H1-3: variants seen among roughly 807,000 people sequenced by gnomAD.
The protein encoded by H1-3 is histone H1.3.
H1-3 carries 4 observed loss-of-function variants against 3.6 expected under a neutral mutation model. The observed-to-expected ratio is 1.12, with a 90% CI of 0.55 to 2.57. The LOEUF (loss-of-function observed/expected upper bound fraction) is 2.57. Ranked by LOEUF, H1-3 falls within the 30% of genes most tolerant of loss-of-function variation. The probability of loss-of-function intolerance (pLI) is 0.02; values close to 1 mark genes in which losing one functional copy is unlikely to be tolerated. For missense variants in H1-3, 670 were observed against 274.3 expected (o/e 2.44, Z -10.19); for synonymous variants, 266 against 110.0 (o/e 2.42, Z -8.87).
rs548822473 is a variant in H1-3 at position 26,234,805 on chromosome 6, C to T, written c.129G>A (p.Glu43=). The T allele has an allele frequency of 3.7e-6, 6 of 1,614,242 alleles. No individual in the cohort carries two copies. Among genetic ancestry groups the T allele is most frequent in the Non-Finnish European group, 5.1e-6 (6 of 1,180,044 alleles). Residue 43 remains glutamate, a synonymous_variant, in exon 1 of 1, where the codon GAG becomes GAA. Transcript: ENST00000244534. ...KRKASGPPVS[E]LITKAVAASK... ...AAGCTGCCACTGCCTTGGTGATAAGCTCAGATACTGGGGGTCCGGATGCTT... is the reference window on the plus strand; with the variant it reads ...AAGCTGCCACTGCCTTGGTGATAAGTTCAGATACTGGGGGTCCGGATGCTT...
At position 26,234,686 on chromosome 6, in the gene H1-3, A is replaced by C; in HGVS notation, c.248T>G (p.Leu83Arg). 1 of 1,614,118 alleles carries C rather than the reference A, an allele frequency of 6.2e-7. No individual in the cohort carries two copies. The highest frequency in any genetic ancestry group is 8.5e-7 in the Non-Finnish European group (1 of 1,180,014). The change falls in exon 1 of 1, where the codon CTT (leucine) becomes CGT (arginine). Residue 83 changes from leucine (L) to arginine (R), a missense_variant. Coordinates refer to ENST00000244534, the MANE Select transcript of H1-3 (RefSeq NM_005320.3). ...TTTGCTCACCAAGCTCTTGAGGCCA[A>C]GCTTGATACGGCTGTTGTTTTTTTC... ...DVEKNNSRIK[L>R]GLKSLVSKGT...
Position 26,234,606 on chromosome 6 carries a change from T to G in H1-3, c.328A>C (p.Lys110Gln), listed in dbSNP as rs1759742025. The G allele has an allele frequency of 6.2e-7, 1 of 1,614,002 alleles. No homozygotes were observed. Among genetic ancestry groups the G allele is most frequent in the African/African-American group, 1.3e-5 (1 of 75,034 alleles). Residue 110 changes from lysine to glutamine, a missense_variant, in exon 1 of 1, where the codon AAG becomes CAG. By Grantham distance (53) the Lys-to-Gln change is moderately conservative. Transcript: ENST00000244534. Reference sequence around the variant, plus strand: ...TTGCCTTCCCCGGAAGCCGCTTTCTTGTTGAGTTTGAAGGAGCCAGAAGCA... The same window carrying G: ...TTGCCTTCCCCGGAAGCCGCTTTCTGGTTGAGTTTGAAGGAGCCAGAAGCA... Reference protein sequence around the residue: ...TGASGSFKLNKKAASGEGKPK... With the variant: ...TGASGSFKLNQKAASGEGKPK...
In H1-3 at chr6:26,234,526, G is replaced by T; in HGVS notation, c.408C>A (p.Ala136=). 1 of 1,613,638 alleles carries T rather than the reference G, an allele frequency of 6.2e-7. No individual in the cohort carries two copies. Among genetic ancestry groups the T allele is most frequent in the Non-Finnish European group, 8.5e-7 (1 of 1,179,954 alleles). ...AAKPRKPAGA[A]KKPKKVAGAA... is the part of the protein sequence containing the mutation. ...CGCCAGCCACCTTCTTGGGCTTCTT[G>T]GCTGCCCCAGCAGGCTTCCTAGGCT... The change falls in exon 1 of 1, where the codon GCC becomes GCA. Residue 136 remains alanine, a synonymous_variant. Coordinates refer to ENST00000244534, the MANE Select transcript of H1-3 (RefSeq NM_005320.3).
rs549784052 is a variant in H1-3, at chr6:26,234,395, G to A, written c.539C>T (p.Thr180Ile). The A allele has an allele frequency of 6.2e-7, 1 of 1,614,196 alleles. No individual in the cohort carries two copies. Among genetic ancestry groups the A allele is most frequent in the African/African-American group, 1.3e-5 (1 of 75,046 alleles). ...KVAKSAKKVK[T>I]PQPKKAAKSP... ...CTTGGCAGCTTTTTTTGGCTGAGGT[G>A]TTTTCACCTTTTTCGCACTCTTGGC... is the stretch of plus-strand genomic sequence containing the variant. The change falls in exon 1 of 1, where the codon ACA becomes ATA. Residue 180 changes from threonine (T) to isoleucine (I), a missense_variant. Thr to Ile is a moderately conservative substitution (Grantham distance 89). Transcript: ENST00000244534.
Position 26,234,237 on chromosome 6 carries a change from A to T in H1-3, c.*31T>A, listed in dbSNP as rs752530572. ...TGGGTGGCTCTGAAAAGAGCCGTTT[A>T]AAATTTTCAAAGGGGAACGTCCCGC... is the stretch of plus-strand genomic sequence containing the variant. On this transcript the variant is annotated 3_prime_UTR_variant, in exon 1 of 1. Transcript: ENST00000244534. 1.3e-6 allele frequency: 2 copies of T among 1,566,116 alleles called. No homozygotes were observed. The highest frequency in any genetic ancestry group is 1.2e-5 in the South Asian group (1 of 83,544).
rs780725404 is a variant in H1-3 at position 26,234,667 on chromosome 6, C to G, written c.267G>C (p.Val89=). ...SRIKLGLKSL[V]SKGTLVQTKG... ...TGGTCTGCACCAGAGTACCTTTGCT[C>G]ACCAAGCTCTTGAGGCCAAGCTTGA... The change falls in exon 1 of 1, where the codon GTG becomes GTC. Residue 89 remains valine (V), a synonymous_variant. Coordinates refer to ENST00000244534, the MANE Select transcript of H1-3 (RefSeq NM_005320.3). The G allele has an allele frequency of 1.2e-6, 2 of 1,614,190 alleles. No individual in the cohort carries two copies. The highest frequency in any genetic ancestry group is 1.1e-5 in the South Asian group (1 of 91,078).
chr6:26,234,458 A>T lies in H1-3; in HGVS notation c.476T>A (p.Val159Glu), dbSNP rs777269032. The change falls in exon 1 of 1, where the codon GTA becomes GAA. Residue 159 changes from valine to glutamate, a missense_variant. Coordinates refer to ENST00000244534, the MANE Select transcript of H1-3 (RefSeq NM_005320.3). ...CCCAGCAGCGGTTGCTGGCTTCTTT[A>T]CCTTCTTAGGAGTCTTTTTGATGCT... is the stretch of plus-strand genomic sequence containing the variant. ...KKSIKKTPKKVKKPATAAGTK... is the reference protein window; with the variant it reads ...KKSIKKTPKKEKKPATAAGTK... The T allele has an allele frequency of 1.2e-6, 2 of 1,613,826 alleles. No homozygotes were observed. The highest frequency in any genetic ancestry group is 1.3e-5 in the African/African-American group (1 of 74,894).
At position 26,234,804 on chromosome 6, in the gene H1-3, G is replaced by C. The variant is rs745686818; in HGVS notation, c.130C>G (p.Leu44Val). ...RKASGPPVSE[L>V]ITKAVAASKE... ...GAAGCTGCCACTGCCTTGGTGATAA[G>C]CTCAGATACTGGGGGTCCGGATGCT... Residue 44 changes from leucine (L) to valine (V), a missense_variant, in exon 1 of 1, where the codon CTT becomes GTT. Transcript: ENST00000244534. 5.6e-6 allele frequency: 9 copies of C among 1,614,236 alleles called. No individual in the cohort carries two copies. The highest frequency in any genetic ancestry group is 7.6e-6 in the Non-Finnish European group (9 of 1,180,038).
Position 26,234,296 on chromosome 6 carries a change from G to C in H1-3, c.638C>G (p.Ala213Gly), listed in dbSNP as rs748557698. 1 of 1,603,342 alleles carries C rather than the reference G, an allele frequency of 6.2e-7. No homozygotes were observed. Among genetic ancestry groups the C allele is most frequent in the Non-Finnish European group, 8.5e-7 (1 of 1,176,962 alleles). Reference protein sequence around the residue: ...PKSGKPKVTKAKKAAPKKK With the variant: ...PKSGKPKVTKGKKAAPKKK ...CTTTTTCTTCGGAGCTGCCTTCTTT[G>C]CCTTTGTAACCTTCGGCTTCCCCGA... Residue 213 changes from alanine (A) to glycine (G), a missense_variant, in exon 1 of 1, where the codon GCA becomes GGA. Ala to Gly is a moderately conservative substitution (Grantham distance 60). Coordinates refer to ENST00000244534, the MANE Select transcript of H1-3 (RefSeq NM_005320.3).
In H1-3 at chr6:26,234,637, A is replaced by C; in HGVS notation, c.297T>G (p.Gly99=). 6.2e-7 allele frequency: 1 copy of C among 1,614,128 alleles called. No individual in the cohort carries two copies. Among genetic ancestry groups the C allele is most frequent in the South Asian group, 1.1e-5 (1 of 91,078 alleles). The change falls in exon 1 of 1, where the codon GGT becomes GGG. Residue 99 remains glycine (G), a synonymous_variant. Coordinates refer to ENST00000244534, the MANE Select transcript of H1-3 (RefSeq NM_005320.3). ...VSKGTLVQTK[G]TGASGSFKLN... ...GTTTGAAGGAGCCAGAAGCACCGGT[A>C]CCTTTGGTCTGCACCAGAGTACCTT...
At position 26,234,929 on chromosome 6, in the gene H1-3, G is replaced by A. The variant is rs767698067; in HGVS notation, c.5C>T (p.Ser2Leu). 9.4e-6 allele frequency: 15 copies of A among 1,598,142 alleles called. No homozygotes were observed. In the South Asian group the frequency reaches 1.0e-4, roughly 11 times the overall value. M[S>L]ETAPLAPTIP... ...GGTAGGAGCAAGTGGAGCAGTCTCC[G>A]ACATGTTTTTGTCTTCCCAGAAAAG... Residue 2 changes from serine (S) to leucine (L), a missense_variant, in exon 1 of 1, where the codon TCG (serine) becomes TTG (leucine). Physicochemically the swap from Ser to Leu is moderately radical, Grantham distance 145. Transcript: ENST00000244534.
rs199702760 is a variant in H1-3 at position 26,234,326 on chromosome 6, G to A, written c.608C>T (p.Pro203Leu). The A allele has an allele frequency of 3.2e-5, 52 of 1,613,656 alleles. No homozygotes were observed. The East Asian group carries it at 1.0e-3, about 31-fold the overall frequency. Residue 203 changes from proline to leucine, a missense_variant, in exon 1 of 1, where the codon CCT (proline) becomes CTT (leucine). Physicochemically the swap from Pro to Leu is moderately conservative, Grantham distance 98. Coordinates refer to ENST00000244534, the MANE Select transcript of H1-3 (RefSeq NM_005320.3). ...TGTAACCTTCGGCTTCCCCGACTTAGGCTTGGCCGCCTTGGGCTTAGGGGC... is the reference window on the plus strand; with the variant it reads ...TGTAACCTTCGGCTTCCCCGACTTAAGCTTGGCCGCCTTGGGCTTAGGGGC... The part of the protein sequence containing the change: ...AKAPKPKAAK[P>L]KSGKPKVTKA...
In H1-3 at chr6:26,234,690, T is replaced by C; in HGVS notation, c.244A>G (p.Lys82Glu). ...YDVEKNNSRI[K>E]LGLKSLVSKG... Reference sequence around the variant, plus strand: ...CTCACCAAGCTCTTGAGGCCAAGCTTGATACGGCTGTTGTTTTTTTCTACA... The same window carrying C: ...CTCACCAAGCTCTTGAGGCCAAGCTCGATACGGCTGTTGTTTTTTTCTACA... The change falls in exon 1 of 1, where the codon AAG (lysine) becomes GAG (glutamate). Residue 82 changes from lysine (K) to glutamate (E), a missense_variant. Physicochemically the swap from Lys to Glu is moderately conservative, Grantham distance 56. Transcript: ENST00000244534. 1 of 1,614,018 alleles carries C rather than the reference T, an allele frequency of 6.2e-7. No homozygotes were observed. The highest frequency in any genetic ancestry group is 8.5e-7 in the Non-Finnish European group (1 of 1,179,994).
Position 26,234,394 on chromosome 6 carries a change from T to C in H1-3, c.540A>G (p.Thr180=), listed in dbSNP as rs771564676. ...KVAKSAKKVK[T]PQPKKAAKSP... is the part of the protein sequence containing the mutation. ...TCTTGGCAGCTTTTTTTGGCTGAGG[T>C]GTTTTCACCTTTTTCGCACTCTTGG... is the stretch of plus-strand genomic sequence containing the variant. The change falls in exon 1 of 1, where the codon ACA becomes ACG. Residue 180 remains threonine, a synonymous_variant. Transcript: ENST00000244534. 6.8e-6 allele frequency: 11 copies of C among 1,614,226 alleles called. No homozygotes were observed. Among genetic ancestry groups the C allele is most frequent in the East Asian group, 2.2e-5 (1 of 44,880 alleles).
At position 26,234,984 on chromosome 6, in the gene H1-3, G is replaced by T; in HGVS notation, c.-51C>A. 1 of 1,505,196 alleles carries T rather than the reference G, an allele frequency of 6.6e-7. No individual in the cohort carries two copies. Among genetic ancestry groups the T allele is most frequent in the Middle Eastern group, 2.0e-4 (1 of 5,080 alleles). 93.2% of individuals were successfully genotyped at this position (1,505,196 alleles called of 1,614,324 possible). On this transcript the variant is annotated 5_prime_UTR_variant, in exon 1 of 1. The change creates a new upstream start codon in the 5' untranslated region. Coordinates refer to ENST00000244534, the MANE Select transcript of H1-3 (RefSeq NM_005320.3). The stretch of plus-strand genomic sequence containing the variant: ...TAAGTAATCTCAAACTGTCAGAACA[G>T]CATGTCCTCTACGAGGGAGGCTGAG...
chr6:26,234,565 C>T lies in H1-3; in HGVS notation c.369G>A (p.Lys123=), dbSNP rs376493714. 13 of 1,613,034 alleles carry T rather than the reference C, an allele frequency of 8.1e-6. No individual in the cohort carries two copies. Among genetic ancestry groups the T allele is most frequent in the Admixed American group, 5.0e-5 (3 of 59,818 alleles). Residue 123 remains lysine (K), a synonymous_variant, in exon 1 of 1, where the codon AAG becomes AAA. Coordinates refer to ENST00000244534, the MANE Select transcript of H1-3 (RefSeq NM_005320.3). ...GCTTCCTAGGCTTGGCTGCGCCAGC[C>T]TTTTTGGCCTTGGGTTTGCCTTCCC... ...ASGEGKPKAK[K]AGAAKPRKPA... is the part of the protein sequence containing the mutation.
At position 26,234,458 on chromosome 6, in the gene H1-3, A is replaced by G. The variant is rs777269032; in HGVS notation, c.476T>C (p.Val159Ala). ...KKSIKKTPKK[V>A]KKPATAAGTK... The stretch of plus-strand genomic sequence containing the variant: ...CCCAGCAGCGGTTGCTGGCTTCTTT[A>G]CCTTCTTAGGAGTCTTTTTGATGCT... The change falls in exon 1 of 1, where the codon GTA (valine) becomes GCA (alanine). Residue 159 changes from valine to alanine, a missense_variant. Coordinates refer to ENST00000244534, the MANE Select transcript of H1-3 (RefSeq NM_005320.3). 2.1e-5 allele frequency: 34 copies of G among 1,613,708 alleles called. No homozygotes were observed. In the East Asian group the frequency reaches 6.5e-4, roughly 31 times the overall value.
chr6:26,234,972 A>T lies in H1-3; in HGVS notation c.-39T>A. On this transcript the variant is annotated 5_prime_UTR_variant, in exon 1 of 1. Coordinates refer to ENST00000244534, the MANE Select transcript of H1-3 (RefSeq NM_005320.3). The stretch of plus-strand genomic sequence containing the variant: ...CAGAAAAGACAATAAGTAATCTCAA[A>T]CTGTCAGAACAGCATGTCCTCTACG... 1 of 1,541,298 alleles carries T rather than the reference A, an allele frequency of 6.5e-7. No homozygotes were observed. Among genetic ancestry groups the T allele is most frequent in the Non-Finnish European group, 8.8e-7 (1 of 1,141,678 alleles).
At position 26,234,548 on chromosome 6, in the gene H1-3, G is replaced by A. The variant is rs1157621202; in HGVS notation, c.386C>T (p.Pro129Leu). ...CTTGGCTGCCCCAGCAGGCTTCCTAGGCTTGGCTGCGCCAGCCTTTTTGGC... is the reference window on the plus strand; with the variant it reads ...CTTGGCTGCCCCAGCAGGCTTCCTAAGCTTGGCTGCGCCAGCCTTTTTGGC... ...PKAKKAGAAK[P>L]RKPAGAAKKP... Residue 129 changes from proline (P) to leucine (L), a missense_variant, in exon 1 of 1, where the codon CCT (proline) becomes CTT (leucine). Physicochemically the swap from Pro to Leu is moderately conservative, Grantham distance 98. Coordinates refer to ENST00000244534, the MANE Select transcript of H1-3 (RefSeq NM_005320.3). The A allele has an allele frequency of 6.2e-7, 1 of 1,612,980 alleles. No homozygotes were observed. Among genetic ancestry groups the A allele is most frequent in the Non-Finnish European group, 8.5e-7 (1 of 1,179,764 alleles).
Sources: allele counts gnomAD v4.1 joint callset, GRCh38; gene constraint gnomAD v4.1.1; transcripts MANE v1.5; gene names NCBI Gene and HGNC (gene_info 2026-07-23, HGNC 2026-07-21).